CHD7: variants seen among roughly 807,000 people sequenced by gnomAD.
CHD7 encodes ATP-dependent chromatin remodeler CHD7.
Under a neutral mutation model 307.3 loss-of-function variants are expected in CHD7, and 24 were observed. The ratio of observed to expected loss-of-function variants is 0.08; its 90% confidence interval spans 0.06 to 0.11. CHD7 has a LOEUF of 0.11. Among genes scored for constraint, CHD7 ranks in the 10% least tolerant of loss-of-function variants. The probability of loss-of-function intolerance (pLI) is 1.00; values close to 1 mark genes in which losing one functional copy is unlikely to be tolerated. For synonymous variants in CHD7, 1,363 were observed against 1,349.9 expected (o/e 1.01, Z -0.21); for missense variants, 3,106 against 3,727.1 (o/e 0.83, Z 4.34).
In CHD7 at chr8:60,741,409, G is replaced by A. The variant is rs752218736; in HGVS notation, c.-24G>A. The stretch of plus-strand genomic sequence containing the variant: ...CAGGCAAGCTCCTGAGCTGTGGTTT[G>A]GAGGAGCCGTGTGTTGGAAGAAGAT... On this transcript the variant is annotated 5_prime_UTR_variant, in exon 2 of 38. Coordinates refer to ENST00000423902, the MANE Select transcript of CHD7 (RefSeq NM_017780.4). 9.0e-6 allele frequency: 14 copies of A among 1,556,076 alleles called. No homozygotes were observed. The African/African-American group carries it at 1.9e-4, about 21-fold the overall frequency.
chr8:60,849,465 C>T (rs1023072026), intron 25 of CHD7, among the ~76,000 whole-genome samples: 1 of 152,202 alleles, frequency 6.6e-6, no homozygotes, highest in East Asian at 1.9e-4. Flanking sequence ...AGCGCGGCTT[C>T]CCTTGCTAAC....
At chr8:60,848,426 A>T (rs746100331) in intron 23 of CHD7, 89 bp from the exon 24 acceptor site, 11 of 832,548 alleles carry the variant, frequency 1.3e-5, no homozygotes, top group Non-Finnish European at 2.0e-5. Flanking sequence ...TGGCAGGATG[A>T]TGGATGAACA....
chr8:60,834,140 A>G (rs1053809430), intron 15 of CHD7, among the ~76,000 whole-genome samples: 5 of 152,232 alleles, frequency 3.3e-5, no homozygotes, highest in African/African-American at 9.6e-5. Context: ...TAAATTTAAA[A>G]TTAAAATTCT....
At chr8:60,767,820 T>C (rs1033503884) in intron 2 of CHD7, among the ~76,000 whole-genome samples, 1 of 152,208 alleles carries the variant, frequency 6.6e-6, no homozygotes, top group African/African-American at 2.4e-5. Flanking sequence ...TTCACAAACA[T>C]GAATGAAGTT....
rs1806285518 is a variant in CHD7, at chr8:60,867,790, T to A, written c.*1857T>A. The A allele has an allele frequency of 6.6e-6, 1 of 152,204 alleles. No homozygotes were observed. Among genetic ancestry groups the A allele is most frequent in the East Asian group, 1.9e-4 (1 of 5,202 alleles). 9.4% of individuals were successfully genotyped at this position (152,204 alleles called of 1,614,324 possible). ...AAAGAAACAACCTGAACCCTCCACC[T>A]TACAGATCCTGTGATTGCTTTTATT... On this transcript the variant is annotated 3_prime_UTR_variant, in exon 38 of 38. Coordinates refer to ENST00000423902, the MANE Select transcript of CHD7 (RefSeq NM_017780.4).
intron 1 of CHD7, chr8:60,679,832 G>GGCGGGGGCAGCGCGAACACGCGGC (rs1805496754): frequency 6.6e-6 from 1 of 150,796 alleles, no homozygotes. Flanking sequence ...CGCCGCGTGG[G>GGCGGGGGCAGCGCGAACACGCGGC]GCGGGGGCAG....
In CHD7 at chr8:60,678,767, GGCGGCGGCGGCGGCGGCGGCGGCA is replaced by G. The variant is rs1174248628; in HGVS notation, c.-468_-445del. ...GCAGGCGCTGGCGTGCTGGGGCCGC[GGCGGCGGCGGCGGCGGCGGCGGCA>G]GCGGCGGCGGCGGCGGCGGCGCGGG... On this transcript the variant is annotated 5_prime_UTR_variant, in exon 1 of 38. Transcript: ENST00000423902. 47 of 138,596 alleles carry G rather than the reference GGCGGCGGCGGCGGCGGCGGCGGCA, an allele frequency of 3.4e-4. No homozygotes were observed. Among genetic ancestry groups the G allele is most frequent in the East Asian group, 1.5e-3 (7 of 4,710 alleles). The allele number at this position is 138,596 out of a possible 1,614,324, so 8.6% of individuals were successfully genotyped here. A position where few individuals can be genotyped will look rare whatever the true frequency, so the allele number is the denominator to read the frequency against.
chr8:60,836,327 T>C (rs1023461252), intron 16 of CHD7, 44 bp downstream of exon 16: 1 of 1,549,416 alleles, frequency 6.5e-7, no homozygotes, highest in Non-Finnish European at 8.8e-7. Flanking sequence ...AATCTAAAAT[T>C]ACCTTCCCAG....
chr8:60,850,479 T>C lies in CHD7; in HGVS notation c.5405-14T>C. 1 of 1,597,720 alleles carries C rather than the reference T, an allele frequency of 6.3e-7. No homozygotes were observed. On this transcript the variant is annotated splice_polypyrimidine_tract_variant and intron_variant, in intron 25 of 37. Transcript: ENST00000423902. Reference sequence around the variant, plus strand: ...TTTCTGTGTGTTTTCTGTGCACGGATGGGCACGGCACAGGCTATGAGAAGT... The same window carrying C: ...TTTCTGTGTGTTTTCTGTGCACGGACGGGCACGGCACAGGCTATGAGAAGT...
chr8:60,680,708 C>T (rs942604078), intron 1 of CHD7, among the ~76,000 whole-genome samples: 2 of 152,102 alleles, frequency 1.3e-5, no homozygotes, highest in African/African-American at 4.8e-5. Flanking sequence ...AGTTTTTTTC[C>T]CCCTCTTCTG....
intron 2 of CHD7, among the ~76,000 whole-genome samples, chr8:60,762,770 T>A (rs1241852491): frequency 1.2e-4 from 19 of 152,178 alleles, no homozygotes; most frequent in Admixed American, 1.2e-3. Context: ...CTGTCGTAGC[T>A]TCAGTGTGTG....
chr8:60,862,796 T>C lies in CHD7; in HGVS notation c.8076+144T>C, dbSNP rs1806062620. On this transcript the variant is annotated intron_variant, in intron 37 of 37. Coordinates refer to ENST00000423902, the MANE Select transcript of CHD7 (RefSeq NM_017780.4). ...CATAATACATCATTTTCATACATCA[T>C]TTCATACATCATTAATACATCATTA... 5.2e-5 allele frequency: 31 copies of C among 595,120 alleles called. No individual in the cohort carries two copies. The South Asian group carries it at 6.4e-4, about 12-fold the overall frequency. The allele number at this position is 595,120 out of a possible 1,614,324, so 36.9% of individuals were successfully genotyped here.
intron 19 of CHD7, among the ~76,000 whole-genome samples, chr8:60,840,520 T>G (rs1329555270): frequency 2.0e-5 from 3 of 152,318 alleles, no homozygotes; most frequent in Admixed American, 6.5e-5. Flanking sequence ...ATTTTATTTT[T>G]GGGATGATAT....
chr8:60,825,239 C>A (rs1804211534), intron 13 of CHD7: 1 of 152,178 alleles, frequency 6.6e-6, no homozygotes, highest in Non-Finnish European at 1.5e-5. Context: ...TCTGAAAGAG[C>A]AGCTTATTTT....
At chr8:60,862,419 G>A in intron 36 of CHD7, 83 bp downstream of exon 36, 3 of 1,509,688 alleles carry the variant, frequency 2.0e-6, no homozygotes, top group Non-Finnish European at 2.7e-6. Flanking sequence ...TTCTATAGGG[G>A]AAAAGAATCC....
chr8:60,713,407 G>C (rs917576603), intron 1 of CHD7, among the ~76,000 whole-genome samples: 2 of 120,668 alleles, frequency 1.7e-5, no homozygotes, highest in African/African-American at 4.9e-5. Context: ...ACTGCGCCCG[G>C]CCAGAAATTT....
chr8:60,851,206 CAAAG>C (rs1467821409), intron 27 of CHD7, 52 bp from the exon 28 acceptor site: 28 of 1,510,222 alleles, frequency 1.9e-5, no homozygotes, highest in Middle Eastern at 3.4e-4. Flanking sequence ...CTTTAAAAGA[CAAAG>C]AAAAATGAGA....
intron 1 of CHD7, among the ~76,000 whole-genome samples, chr8:60,737,110 C>T (rs77779996): frequency 0.015 from 2,211 of 152,052 alleles, 62 homozygotes; most frequent in African/African-American, 0.05. Context: ...CTTGCGCACC[C>T]GTTGCTTTTA....
chr8:60,721,469 C>G (rs1807903253), intron 1 of CHD7, among the ~76,000 whole-genome samples: 2 of 152,190 alleles, frequency 1.3e-5, no homozygotes. Flanking sequence ...GTTTAAGCCA[C>G]CCAGGCTGTA....
Sources: allele counts gnomAD v4.1 joint callset (sites outside exome capture counted in the v4.1 genomes callset), GRCh38; gene constraint gnomAD v4.1.1; transcripts MANE v1.5; gene names NCBI Gene and HGNC (gene_info 2026-07-23, HGNC 2026-07-21).